Variants in IMMP2L observed in about 807,000 individuals in gnomAD.
IMMP2L encodes inner mitochondrial membrane peptidase subunit 2, also known as mitochondrial inner membrane protease subunit 2.
In IMMP2L, 18 loss-of-function variants were observed where a neutral mutation model predicts 19.3. The ratio of observed to expected loss-of-function variants is 0.93; its 90% CI spans 0.64 to 1.38. The LOEUF is 1.38. Ranked by LOEUF, IMMP2L falls within the 40% of genes most tolerant of loss-of-function variation. The pLI is 0.00. For synonymous variants in IMMP2L, 76 were observed against 73.0 expected, an observed-to-expected ratio of 1.04 and a Z score of -0.21; for missense variants, 233 against 218.2, an observed-to-expected ratio of 1.07 and a Z score of -0.43.
intron 3 of IMMP2L, among the ~76,000 whole-genome samples, chr7:111,281,130 G>GAC (rs1202917126): frequency 1.4e-5 from 1 of 73,756 alleles, no homozygotes; most frequent in Non-Finnish European, 2.4e-5. Context: ...AAGAGAGAAA[G>GAC]AGAGAAAGAC....
intron 3 of IMMP2L, among the ~76,000 whole-genome samples, chr7:111,407,187 C>A (rs913917503): frequency 6.6e-6 from 1 of 151,526 alleles, no homozygotes; most frequent in Admixed American, 6.6e-5. Flanking sequence ...AAAATAGAAC[C>A]CTCATACACT....
chr7:111,539,192 GAGGGAGAAAGAA>G (rs202222609), intron 1 of IMMP2L, among the ~76,000 whole-genome samples: 2,385 of 19,620 alleles, frequency 0.12, 280 homozygotes, highest in South Asian at 0.15. Context: ...AGGAAGGAAG[GAGGGAGAAAGAA>G]AGAAAGAAAG....
At chr7:111,068,278 CTGAT>C (rs1466164671) in intron 3 of IMMP2L, among the ~76,000 whole-genome samples, 1 of 151,990 alleles carries the variant, frequency 6.6e-6, no homozygotes, top group African/African-American at 2.4e-5. Flanking sequence ...ATATTTGTGA[CTGAT>C]GGGCAGCATT....
intron 3 of IMMP2L, among the ~76,000 whole-genome samples, chr7:111,369,706 C>T (rs1488556596): frequency 6.6e-6 from 1 of 151,944 alleles, no homozygotes; most frequent in African/African-American, 2.4e-5. Flanking sequence ...AATTTTAACA[C>T]TTATCAAGCA....
intron 1 of IMMP2L, among the ~76,000 whole-genome samples, chr7:111,531,975 T>C (rs1847433145): frequency 6.6e-6 from 1 of 151,662 alleles, no homozygotes; most frequent in Non-Finnish European, 1.5e-5. Flanking sequence ...TTAAAAAAAT[T>C]AAGAAGGCCT....
At chr7:111,006,792 T>C (rs548657671) in intron 3 of IMMP2L, among the ~76,000 whole-genome samples, 35 of 152,146 alleles carry the variant, frequency 2.3e-4, no homozygotes, top group Middle Eastern at 6.8e-3. Flanking sequence ...CACTTGAAGA[T>C]CCCCCTTCTT....
At chr7:111,304,347 C>T (rs1333957022) in intron 3 of IMMP2L, among the ~76,000 whole-genome samples, 2 of 151,588 alleles carry the variant, frequency 1.3e-5, no homozygotes, top group African/African-American at 4.8e-5. Flanking sequence ...TATCTCTCAA[C>T]AAAAAATATA....
chr7:111,268,886 A>C (rs1818141954), intron 3 of IMMP2L, among the ~76,000 whole-genome samples: 1 of 152,064 alleles, frequency 6.6e-6, no homozygotes, highest in South Asian at 2.1e-4. Flanking sequence ...GGTATGAGCC[A>C]CTGCACCTGG....
chr7:111,429,284 A>G (rs903511723), intron 3 of IMMP2L, among the ~76,000 whole-genome samples: 8 of 151,942 alleles, frequency 5.3e-5, no homozygotes, highest in African/African-American at 1.9e-4. Flanking sequence ...ATCAACACAA[A>G]AAAAGGCCCC....
At chr7:111,217,126 TCA>T (rs1315821493) in intron 3 of IMMP2L, among the ~76,000 whole-genome samples, 51 of 124,062 alleles carry the variant, frequency 4.1e-4, no homozygotes, top group East Asian at 9.8e-4. Flanking sequence ...TCTCTCTCTC[TCA>T]CACACACACA....
At chr7:111,499,708 T>C (rs1843966142) in intron 2 of IMMP2L, among the ~76,000 whole-genome samples, 1 of 152,080 alleles carries the variant, frequency 6.6e-6, no homozygotes, top group Non-Finnish European at 1.5e-5. Flanking sequence ...TGGAGAGAAA[T>C]GTCCTTTAAT....
At chr7:111,313,052 C>T (rs1482447937) in intron 3 of IMMP2L, among the ~76,000 whole-genome samples, 1 of 152,134 alleles carries the variant, frequency 6.6e-6, no homozygotes, top group South Asian at 2.1e-4. Flanking sequence ...AATTGCTGAG[C>T]TCCTGGAAAA....
chr7:111,522,232 G>A (rs1846404694), intron 1 of IMMP2L, among the ~76,000 whole-genome samples: 1 of 152,008 alleles, frequency 6.6e-6, no homozygotes, highest in African/African-American at 2.4e-5. Context: ...GTCTCACTCT[G>A]TCACCCAAGC....
intron 5 of IMMP2L, among the ~76,000 whole-genome samples, chr7:110,738,439 C>G (rs1796780560): frequency 2.6e-5 from 4 of 152,092 alleles, no homozygotes; most frequent in Admixed American, 2.6e-4. Context: ...CAGCAATAGT[C>G]TCATCCATCA....
intron 5 of IMMP2L, among the ~76,000 whole-genome samples, chr7:110,752,311 A>G (rs2130924558): frequency 1.3e-5 from 2 of 152,124 alleles, no homozygotes; most frequent in South Asian, 4.1e-4. Flanking sequence ...AAAATTTAAA[A>G]GTATGTTTTG....
intron 3 of IMMP2L, among the ~76,000 whole-genome samples, chr7:111,205,231 C>A (rs568433770): frequency 2.0e-5 from 3 of 152,312 alleles, no homozygotes; most frequent in Middle Eastern, 3.4e-3. Context: ...TTCATGAGAG[C>A]TCTAGCCTTA....
chr7:111,559,095 A>G lies in IMMP2L; in HGVS notation c.-3+2756T>C, dbSNP rs139312612. On this transcript the variant is annotated intron_variant, in intron 1 of 5. Transcript: ENST00000405709. Reference sequence around the variant, plus strand: ...ACTAAAACATCATACTAAACCCTACAGACCACAGCTTATGAGAGAAATGCC... The same window carrying G: ...ACTAAAACATCATACTAAACCCTACGGACCACAGCTTATGAGAGAAATGCC... 5.1e-4 allele frequency among the ~76,000 whole-genome samples: 77 copies of G among 152,276 alleles called. No individual in the cohort carries two copies. The East Asian group carries it at 0.015, about 29-fold the overall frequency.
At chr7:110,838,408 T>C (rs1804721302) in intron 5 of IMMP2L, among the ~76,000 whole-genome samples, 3 of 152,276 alleles carry the variant, frequency 2.0e-5, no homozygotes, top group South Asian at 4.1e-4. Flanking sequence ...ATGGTTTGAA[T>C]GTGTTCCCCG....
At chr7:110,996,285 T>C (rs1165542837) in intron 3 of IMMP2L, among the ~76,000 whole-genome samples, 1 of 152,068 alleles carries the variant, frequency 6.6e-6, no homozygotes, top group Non-Finnish European at 1.5e-5. Flanking sequence ...AAGAGTGCTG[T>C]AGGCAAATGG....
Sources: gnomAD v4.1 joint callset for allele counts (sites outside exome capture counted in the v4.1 genomes callset) on GRCh38, gnomAD v4.1.1 for gene constraint, MANE v1.5 for transcripts, NCBI Gene and HGNC (gene_info 2026-07-23, HGNC 2026-07-21) for gene names.